Variants in UBAP2L observed in about 807,000 individuals in gnomAD.
UBAP2L encodes the protein ubiquitin-associated protein 2-like.
UBAP2L carries 12 observed loss-of-function variants against 130.6 expected under a neutral mutation model. The ratio of observed to expected loss-of-function variants is 0.09; its 90% CI spans 0.06 to 0.15. The LOEUF (loss-of-function observed/expected upper bound fraction) is 0.15. UBAP2L is among the 10% of genes least tolerant of loss of function. The probability of loss-of-function intolerance (pLI) is 1.00; values close to 1 mark genes in which losing one functional copy is unlikely to be tolerated. For synonymous variants in UBAP2L, 503 were observed against 524.7 expected (o/e 0.96, Z 0.57); for missense variants, 965 against 1,332.5 (o/e 0.72, Z 4.29).
chr1:154,269,913 G>A (rs936780013), intron 26 of UBAP2L, among the ~76,000 whole-genome samples: 16 of 152,112 alleles, frequency 1.1e-4, no homozygotes, highest in Admixed American at 9.8e-4. Context: ...GGAGAGAGGG[G>A]GTAGTGTGAG....
intron 1 of UBAP2L, among the ~76,000 whole-genome samples, chr1:154,223,149 G>C (rs917367049): frequency 6.6e-6 from 1 of 152,136 alleles, no homozygotes; most frequent in African/African-American, 2.4e-5. Flanking sequence ...ACATTTCGAA[G>C]CACTTGTAAG....
chr1:154,263,467 T>A, intron 24 of UBAP2L: 1 of 1,157,990 alleles, frequency 8.6e-7, no homozygotes, highest in South Asian at 3.4e-5. Context: ...ACAAAAATAT[T>A]TGTAGTCTTC....
chr1:154,269,661 A>C, intron 26 of UBAP2L: 1 of 344,718 alleles, frequency 2.9e-6, no homozygotes, highest in South Asian at 2.3e-5. Flanking sequence ...TTCTTGGGGC[A>C]GCATCTGGAG....
At chr1:154,259,649 G>A (rs778142264) in intron 21 of UBAP2L, 42 of 446,394 alleles carry the variant, frequency 9.4e-5, no homozygotes, top group Non-Finnish European at 1.6e-4. Context: ...AGTAGAATAA[G>A]CTTGGTATAA....
chr1:154,259,955 A>G lies in UBAP2L; in HGVS notation c.2504A>G (p.Tyr835Cys). ...TTTTCCCCTCTTTTCTAGGATTACT[A>G]CAGCATCCCATTTCCCACACCCACT... ...MLQTRFPLDY[Y>C]SIPFPTPTTP... The change falls in exon 22 of 27, where the codon TAC becomes TGC. Residue 835 changes from tyrosine to cysteine, a missense_variant. This residue lies in a region of UBAP2L where 194 missense variants were observed against 334.0 expected (regional missense o/e 0.58). Coordinates refer to ENST00000428931, the MANE Select transcript of UBAP2L (RefSeq NM_014847.4). The G allele has an allele frequency of 1.2e-6, 2 of 1,614,072 alleles. No individual in the cohort carries two copies. The highest frequency in any genetic ancestry group is 1.7e-6 in the Non-Finnish European group (2 of 1,179,962).
Position 154,268,856 on chromosome 1 carries a change from G to T in UBAP2L, c.3070G>T (p.Ala1024Ser). The change falls in exon 26 of 27, where the codon GCT becomes TCT. Residue 1024 changes from alanine (A) to serine (S), a missense_variant. By Grantham distance (99) the Ala-to-Ser change is moderately conservative (BLOSUM62 1). Around this residue, in one of 9 missense-constraint regions of UBAP2L, gnomAD observed 194 missense variants for 334.0 expected, o/e 0.58. Transcript: ENST00000428931. ...TGGGGGCCCCATCAATCCGGCCACA[G>T]CTGCTGCCTACCCACCTGCCCCCTT... ...GSGGPINPAT[A>S]AAYPPAPFMH... The T allele has an allele frequency of 6.2e-7, 1 of 1,614,130 alleles. No homozygotes were observed.
intron 20 of UBAP2L, 66 bp downstream of exon 20, chr1:154,257,500 G>A: frequency 6.4e-7 from 1 of 1,560,690 alleles, no homozygotes; most frequent in Non-Finnish European, 8.8e-7. Flanking sequence ...TTATAGCTCT[G>A]GCTTCAGATG....
chr1:154,260,759 A>C, intron 22 of UBAP2L, 133 bp from the exon 23 acceptor site: 1 of 861,180 alleles, frequency 1.2e-6, no homozygotes, highest in African/African-American at 1.7e-5. Context: ...AGCCACTAAG[A>C]AATGTAATTC....
At position 154,261,091 on chromosome 1, in the gene UBAP2L, T is replaced by C; in HGVS notation, c.2778T>C (p.Tyr926=). ...CGGGCCTCCCCAGCACCTTCCAGTA[T>C]GGGCCTGCTGTGTTCCCTGTGAGTA... ...GVPGLPSTFQ[Y]GPAVFPVAPT... is the part of the protein sequence containing the mutation. The change falls in exon 23 of 27, where the codon TAT becomes TAC. Residue 926 remains tyrosine (Y), a synonymous_variant. Coordinates refer to ENST00000428931, the MANE Select transcript of UBAP2L (RefSeq NM_014847.4). 1 of 1,614,160 alleles carries C rather than the reference T, an allele frequency of 6.2e-7. No homozygotes were observed. Among genetic ancestry groups the C allele is most frequent in the Non-Finnish European group, 8.5e-7 (1 of 1,179,998 alleles).
chr1:154,220,269 GGGTA>G, upstream of UBAP2L: 4 of 1,548,290 alleles, frequency 2.6e-6, no homozygotes, highest in Non-Finnish European at 3.6e-6. Flanking sequence ...AATGCAGACG[GGGTA>G]CAGCTCAAAA....
At chr1:154,233,479 C>T (rs1670557599) in intron 4 of UBAP2L, among the ~76,000 whole-genome samples, 2 of 151,700 alleles carry the variant, frequency 1.3e-5, no homozygotes, top group South Asian at 4.2e-4. Flanking sequence ...TGCGCACCAC[C>T]ACACCTGGCT....
intron 4 of UBAP2L, among the ~76,000 whole-genome samples, chr1:154,232,111 G>A (rs1558130870): frequency 6.6e-6 from 1 of 151,978 alleles, no homozygotes; most frequent in Non-Finnish European, 1.5e-5. Context: ...GGCGGATCAC[G>A]AGGTCAAGTG....
Position 154,260,781 on chromosome 1 carries a change from C to T in UBAP2L, c.2579-111C>T, listed in dbSNP as rs978614946. 1.1e-5 allele frequency: 12 copies of T among 1,054,350 alleles called. No individual in the cohort carries two copies. The African/African-American group carries it at 1.3e-4, about 11-fold the overall frequency. The allele number at this position is 1,054,350 out of a possible 1,614,324, so 65.3% of individuals were successfully genotyped here. On this transcript the variant is annotated intron_variant, in intron 22 of 26. Transcript: ENST00000428931. ...AAGAAATGTAATTCAAGGAATTGAA[C>T]TTTAATAGTCTTTGAACAGGATCTC...
At chr1:154,266,124 G>A (rs1358422257) in intron 24 of UBAP2L, among the ~76,000 whole-genome samples, 3 of 152,282 alleles carry the variant, frequency 2.0e-5, no homozygotes, top group Non-Finnish European at 2.9e-5. Flanking sequence ...ATAAAACTGA[G>A]TGGCATTTGG....
intron 18 of UBAP2L, 54 bp downstream of exon 18, chr1:154,255,809 A>G (rs1038158130): frequency 1.5e-5 from 24 of 1,590,520 alleles, no homozygotes; most frequent in Non-Finnish European, 1.9e-5. Flanking sequence ...GAACTGTCCA[A>G]CTGTAAGATT....
chr1:154,221,608 G>A (rs1471787311), intron 1 of UBAP2L, among the ~76,000 whole-genome samples: 1 of 152,210 alleles, frequency 6.6e-6, no homozygotes, highest in Non-Finnish European at 1.5e-5. Context: ...GAGGTAGGGA[G>A]GAGATTGGCC....
At position 154,226,066 on chromosome 1, in the gene UBAP2L, G is replaced by A. The variant is rs545868395; in HGVS notation, c.90+853G>A. Among the ~76,000 whole-genome samples, 39 of 152,284 alleles carry A rather than the reference G, an allele frequency of 2.6e-4. 1 individual carries two copies. In the South Asian group the frequency reaches 8.1e-3, roughly 32 times the overall value. On this transcript the variant is annotated intron_variant, in intron 2 of 26. Transcript: ENST00000428931. ...TGCCCTCAGGTGATCCACCTGCCTCGGCCTCCCAGAGTACTGGGATTATAG... is the reference window on the plus strand; with the variant it reads ...TGCCCTCAGGTGATCCACCTGCCTCAGCCTCCCAGAGTACTGGGATTATAG...
intron 15 of UBAP2L, chr1:154,254,503 G>A (rs1571883321): frequency 2.2e-6 from 1 of 458,700 alleles, no homozygotes; most frequent in Admixed American, 4.1e-5. Context: ...TGGCTGAACT[G>A]TTGTACTTAC....
intron 10 of UBAP2L, among the ~76,000 whole-genome samples, chr1:154,245,813 G>T (rs903054313): frequency 4.7e-4 from 72 of 152,114 alleles, no homozygotes; most frequent in Non-Finnish European, 1.2e-4. Flanking sequence ...CCAGCTACAG[G>T]CTGAGGCAGG....
Sources: allele counts gnomAD v4.1 joint callset (sites outside exome capture counted in the v4.1 genomes callset), GRCh38; gene constraint gnomAD v4.1.1; regional missense constraint gnomAD v4.1.1; transcripts MANE v1.5; gene names NCBI Gene and HGNC (gene_info 2026-07-23, HGNC 2026-07-21).